The following RASGRP3 variants were observed in gnomAD, a reference collection of about 807,000 sequenced individuals.
The protein encoded by RASGRP3 is ras guanyl-releasing protein 3.
A neutral mutation model predicts 82.7 loss-of-function variants in RASGRP3; 54 were observed. The ratio of observed to expected loss-of-function variants is 0.65; its 90% CI spans 0.52 to 0.82. The LOEUF (loss-of-function observed/expected upper bound fraction) is 0.82, where lower values mean the gene tolerates loss of function less well. RASGRP3 is among the 40% of genes least tolerant of loss of function. The probability of loss-of-function intolerance (pLI) is 0.00; values close to 1 mark genes in which losing one functional copy is unlikely to be tolerated. For synonymous variants in RASGRP3, 309 were observed against 300.5 expected, an observed-to-expected ratio of 1.03 and a Z score of -0.29; for missense variants, 861 against 828.9, an observed-to-expected ratio of 1.04 and a Z score of -0.48.
chr2:33,488,100 T>A (rs183007385), intron 1 of RASGRP3, among the ~76,000 whole-genome samples: 1 of 152,374 alleles, frequency 6.6e-6, no homozygotes, highest in East Asian at 1.9e-4. Flanking sequence ...TGGCTGATTC[T>A]TACTCGATTA....
intron 2 of RASGRP3, among the ~76,000 whole-genome samples, chr2:33,459,917 A>G (rs935986368): frequency 2.0e-5 from 3 of 152,308 alleles, no homozygotes; most frequent in African/African-American, 7.2e-5. Context: ...TCAAGCCTCT[A>G]TAGGACAGGA....
chr2:33,556,111 G>A (rs1675917310), intron 15 of RASGRP3, among the ~76,000 whole-genome samples: 1 of 151,872 alleles, frequency 6.6e-6, no homozygotes, highest in African/African-American at 2.4e-5. Context: ...CAATATGCAT[G>A]TATACTAAGC....
Position 33,534,407 on chromosome 2 carries a change from A to G in RASGRP3, c.1161+7A>G. ...GCCTAGAAATTCTAAATCGGTAGGT[A>G]TTATTTTCTCTCCAAGGATCAGTAC... is the stretch of plus-strand genomic sequence containing the variant. On this transcript the variant is annotated splice_region_variant and intron_variant, in intron 11 of 17. Transcript: ENST00000403687. 1.3e-6 allele frequency: 2 copies of G among 1,522,038 alleles called. No homozygotes were observed. The highest frequency in any genetic ancestry group is 1.2e-5 in the South Asian group (1 of 86,086). 94.3% of individuals were successfully genotyped at this position (1,522,038 alleles called of 1,614,324 possible).
At chr2:33,460,013 CTT>C (rs1666271812) in intron 2 of RASGRP3, among the ~76,000 whole-genome samples, 2 of 152,202 alleles carry the variant, frequency 1.3e-5, no homozygotes, top group South Asian at 2.1e-4. Context: ...AAATGAATAA[CTT>C]TGCAATCCCA....
At chr2:33,532,818 C>G (rs558357347) in intron 10 of RASGRP3, 1 of 152,272 alleles carries the variant, frequency 6.6e-6, no homozygotes, top group Admixed American at 6.5e-5. Context: ...ATTCAAGCAG[C>G]TGCTAGAACA....
chr2:33,466,049 A>G (rs1239212849), intron 2 of RASGRP3, among the ~76,000 whole-genome samples: 1 of 152,044 alleles, frequency 6.6e-6, no homozygotes, highest in African/African-American at 2.4e-5. Context: ...TCTAGTGTAG[A>G]TGTACAAAGA....
chr2:33,481,682 C>G (rs1408257687), intron 1 of RASGRP3: 3 of 152,250 alleles, frequency 2.0e-5, no homozygotes, highest in East Asian at 3.9e-4. Flanking sequence ...AGTCTTCAGA[C>G]ACCGTATTTG....
chr2:33,458,382 G>C (rs181614300), intron 2 of RASGRP3, among the ~76,000 whole-genome samples: 3 of 152,186 alleles, frequency 2.0e-5, no homozygotes, highest in Non-Finnish European at 4.4e-5. Context: ...GTGCTCAGTT[G>C]TTTGTGTTTT....
chr2:33,471,761 C>G (rs748088321), upstream of RASGRP3, among the ~76,000 whole-genome samples: 1 of 152,042 alleles, frequency 6.6e-6, no homozygotes, highest in Non-Finnish European at 1.5e-5. Flanking sequence ...TGTTTTTTGA[C>G]TTCTTCCTGG....
At chr2:33,472,784 G>T (rs146748974), upstream of RASGRP3, among the ~76,000 whole-genome samples, 6 of 142,460 alleles carry the variant, frequency 4.2e-5, no homozygotes, top group Non-Finnish European at 7.6e-5. Flanking sequence ...GTGAAACCCC[G>T]TCTCTACTAA....
chr2:33,499,003 A>G (rs1441942438), intron 1 of RASGRP3, among the ~76,000 whole-genome samples: 1 of 152,206 alleles, frequency 6.6e-6, no homozygotes, highest in Non-Finnish European at 1.5e-5. Context: ...TAATACTAAA[A>G]ATTGGGAAGC....
chr2:33,519,435 C>T (rs940993447), intron 4 of RASGRP3, among the ~76,000 whole-genome samples: 11 of 152,110 alleles, frequency 7.2e-5, no homozygotes, highest in South Asian at 2.1e-4. Context: ...GCTAACACGG[C>T]GAAACCCCGT....
In RASGRP3 at chr2:33,540,567, TGTGTGTGTGTG is replaced by T. The variant is rs1558506544; in HGVS notation, c.1278+1358_1278+1368del. On this transcript the variant is annotated intron_variant, in intron 12 of 17. Coordinates refer to ENST00000403687, the MANE Select transcript of RASGRP3 (RefSeq NM_001139488.2). Reference sequence around the variant, plus strand: ...TCTGTGTGTGTGTTTTGTGTGTGTGTGTGTGTGTGTGTGTGTGTGTGTGTGTGTGTGTGTGT... The same window carrying T: ...TCTGTGTGTGTGTTTTGTGTGTGTGTTGTGTGTGTGTGTGTGTGTGTGTGT... 3.5e-4 allele frequency among the ~76,000 whole-genome samples: 7 copies of T among 20,008 alleles called. 1 individual carries two copies. Among genetic ancestry groups the T allele is most frequent in the Admixed American group, 1.5e-3 (2 of 1,316 alleles). 13.1% of individuals were successfully genotyped at this position (20,008 alleles called of 152,430 possible).
At chr2:33,491,970 G>A (rs528898281) in intron 1 of RASGRP3, among the ~76,000 whole-genome samples, 1 of 152,268 alleles carries the variant, frequency 6.6e-6, no homozygotes, top group Non-Finnish European at 1.5e-5. Flanking sequence ...GTCAGGAGTA[G>A]TAGTTCTAGA....
chr2:33,532,746 T>G (rs140411004), intron 10 of RASGRP3: 18 of 152,216 alleles, frequency 1.2e-4, no homozygotes, highest in Admixed American at 1.1e-3. Context: ...AAAAAAACTT[T>G]GTGACAAAGT....
At chr2:33,533,445 C>T (rs1167984700) in intron 10 of RASGRP3, 2 of 152,188 alleles carry the variant, frequency 1.3e-5, no homozygotes, top group Non-Finnish European at 1.5e-5. Flanking sequence ...ATAACAGTAA[C>T]ATTAACACTA....
chr2:33,519,846 C>A, intron 4 of RASGRP3, 106 bp from the exon 5 acceptor site: 5 of 736,530 alleles, frequency 6.8e-6, no homozygotes, highest in Middle Eastern at 2.7e-4. Flanking sequence ...GTCTATATAA[C>A]CCCAGCATGG....
chr2:33,551,230 T>C (rs959146243), intron 14 of RASGRP3, among the ~76,000 whole-genome samples: 3 of 152,018 alleles, frequency 2.0e-5, no homozygotes, highest in Non-Finnish European at 4.4e-5. Context: ...GGAGAATCAT[T>C]TGAACCTGGG....
chr2:33,516,795 C>T, intron 4 of RASGRP3, 151 bp downstream of exon 4: 1 of 547,006 alleles, frequency 1.8e-6, no homozygotes. Context: ...CTAGACAAAA[C>T]ACATCTGGAT....
Sources: gnomAD v4.1 joint callset for allele counts (sites outside exome capture counted in the v4.1 genomes callset) on GRCh38, gnomAD v4.1.1 for gene constraint, MANE v1.5 for transcripts, NCBI Gene and HGNC (gene_info 2026-07-23, HGNC 2026-07-21) for gene names.